Variants in HEATR4 observed in about 807,000 individuals in gnomAD.
HEATR4 encodes the protein HEAT repeat-containing protein 4.
Under a neutral mutation model 108.8 loss-of-function variants are expected in HEATR4, and 95 were observed. The observed-to-expected ratio is 0.87, with a 90% CI of 0.74 to 1.04. The LOEUF is 1.04. Ranked by LOEUF, HEATR4 falls within the 50% of genes least tolerant of loss-of-function variation. The pLI, the probability that HEATR4 is intolerant of heterozygous loss-of-function variation, is 0.00. For synonymous variants in HEATR4, 443 were observed against 459.4 expected (o/e 0.96, Z 0.46); for missense variants, 1,152 against 1,253.8 (o/e 0.92, Z 1.23).
rs779747670 is a variant in HEATR4 at position 73,509,399 on chromosome 14, C to T, written c.1633G>A (p.Val545Met). The change falls in exon 8 of 18, where the codon GTG becomes ATG. Residue 545 changes from valine (V) to methionine (M), a missense_variant. Coordinates refer to ENST00000553558, the MANE Select transcript of HEATR4 (RefSeq NM_001220484.1). ...TGGCATATTGCTGCTGCCATCCGCA[C>T]ATGGGCATTCTTGTCACAAAGAGCA... is the stretch of plus-strand genomic sequence containing the variant. ...EAALCDKNAH[V>M]RMAAAICQYA... 2 of 1,614,114 alleles carry T rather than the reference C, an allele frequency of 1.2e-6. No individual in the cohort carries two copies. The highest frequency in any genetic ancestry group is 1.7e-6 in the Non-Finnish European group (2 of 1,180,016).
chr14:73,495,170 T>A (rs540572534), intron 16 of HEATR4, 58 bp downstream of exon 16: 16 of 1,494,126 alleles, frequency 1.1e-5, no homozygotes, highest in Non-Finnish European at 1.5e-5. Context: ...AACATCCAGA[T>A]CCTGGAAGAG....
chr14:73,518,459 C>T (rs974141091), intron 5 of HEATR4, among the ~76,000 whole-genome samples: 2 of 151,738 alleles, frequency 1.3e-5, no homozygotes, highest in African/African-American at 4.8e-5. Context: ...AGTTTCTGCA[C>T]ACCACTGGGC....
chr14:73,633,604 TA>T, the HEATR4 span: 1 of 152,234 alleles, frequency 6.6e-6, no homozygotes, highest in South Asian at 2.1e-4. Flanking sequence ...GCTTAGGGAA[TA>T]TTGACCCCTG....
At chr14:73,594,786 C>T in the HEATR4 span, among the ~76,000 whole-genome samples, 27,823 of 152,098 alleles carry the variant, frequency 0.18, 4,479 homozygotes, top group African/African-American at 0.43. Flanking sequence ...CTGCAACCTC[C>T]GCCTCCTGGG....
At position 73,556,245 on chromosome 14, in the gene HEATR4, G is replaced by A. The variant is rs191609975; in HGVS notation, c.-152+2506C>T. ...TCAAGAGCAGCATGGCCAACATGGC[G>A]AAACCCCATCTCTACTAAAAATACA... is the stretch of plus-strand genomic sequence containing the variant. On this transcript the variant is annotated intron_variant, in intron 1 of 17. Coordinates refer to ENST00000553558, the MANE Select transcript of HEATR4 (RefSeq NM_001220484.1). 3.3e-3 allele frequency among the ~76,000 whole-genome samples: 370 copies of A among 111,248 alleles called. 17 individuals carry two copies. Among genetic ancestry groups the A allele is most frequent in the African/African-American group, 0.01 (354 of 34,514 alleles). 73.0% of individuals were successfully genotyped at this position (111,248 alleles called of 152,430 possible). A position where few individuals can be genotyped will look rare whatever the true frequency, so the allele number is the denominator to read the frequency against.
chr14:73,599,900 A>G, the HEATR4 span, among the ~76,000 whole-genome samples: 4 of 152,126 alleles, frequency 2.6e-5, no homozygotes, highest in African/African-American at 9.7e-5. Flanking sequence ...TTCCTCTTCT[A>G]TACCCTCTCC....
chr14:73,570,023 G>C, the HEATR4 span: 1 of 1,336,870 alleles, frequency 7.5e-7, no homozygotes, highest in African/African-American at 1.5e-5. Context: ...CGAATTCCTG[G>C]TCTCCAGCTA....
At chr14:73,504,427 A>G (rs1217036575) in intron 10 of HEATR4, among the ~76,000 whole-genome samples, 1 of 152,022 alleles carries the variant, frequency 6.6e-6, no homozygotes, top group Non-Finnish European at 1.5e-5. Context: ...TATTTTTAGT[A>G]GAGACAGGGT....
the HEATR4 span, among the ~76,000 whole-genome samples, chr14:73,566,889 C>T: frequency 4.6e-5 from 7 of 152,274 alleles, no homozygotes; most frequent in South Asian, 8.3e-4. Flanking sequence ...TCACAAGCTC[C>T]ACCTCTGGGG....
At chr14:73,615,340 TCA>T in the HEATR4 span, among the ~76,000 whole-genome samples, 1 of 121,376 alleles carries the variant, frequency 8.2e-6, no homozygotes, top group Non-Finnish European at 1.6e-5. Context: ...TGAGCCAAAA[TCA>T]CACCACATCA....
chr14:73,592,018 G>A, the HEATR4 span: 7 of 1,438,942 alleles, frequency 4.9e-6, no homozygotes, highest in East Asian at 1.8e-4. Context: ...GAGCCGGTGC[G>A]CATTGCCGTG....
intron 6 of HEATR4, 113 bp downstream of exon 6, chr14:73,513,918 A>C (rs1476027241): frequency 9.0e-7 from 1 of 1,116,670 alleles, no homozygotes; most frequent in Non-Finnish European, 1.3e-6. Context: ...AGGCAACCAG[A>C]TTTTTACATT....
At chr14:73,625,851 A>T in the HEATR4 span, among the ~76,000 whole-genome samples, 1 of 152,214 alleles carries the variant, frequency 6.6e-6, no homozygotes, top group South Asian at 2.1e-4. Flanking sequence ...GAGACAAAAC[A>T]ATATTGGAAT....
In HEATR4 at chr14:73,555,812, C is replaced by A. The variant is rs1889384379; in HGVS notation, c.-152+2939G>T. On this transcript the variant is annotated intron_variant, in intron 1 of 17. Coordinates refer to ENST00000553558, the MANE Select transcript of HEATR4 (RefSeq NM_001220484.1). Reference sequence around the variant, plus strand: ...AGGTCAGGAGTTCGAGACCAGCCAGCCTGATCAACATGGAGAAACCCCATC... The same window carrying A: ...AGGTCAGGAGTTCGAGACCAGCCAGACTGATCAACATGGAGAAACCCCATC... 2.7e-5 allele frequency among the ~76,000 whole-genome samples: 3 copies of A among 111,346 alleles called. 1 individual carries two copies. The highest frequency in any genetic ancestry group is 1.0e-4 in the Admixed American group (1 of 9,868). The allele number at this position is 111,346 out of a possible 152,430, so 73.0% of individuals were successfully genotyped here. A position where few individuals can be genotyped will look rare whatever the true frequency, so the allele number is the denominator to read the frequency against.
At chr14:73,620,677 C>T in the HEATR4 span, among the ~76,000 whole-genome samples, 2 of 152,066 alleles carry the variant, frequency 1.3e-5, no homozygotes, top group Non-Finnish European at 2.9e-5. Flanking sequence ...AAGCGATTCT[C>T]CTGCCCCAGC....
chr14:73,492,635 G>A lies in HEATR4; in HGVS notation c.2844+431C>T. ...GGCTGGAGAACCTGTAAACGTGGGG[G>A]CCCAGTTGACAACAGAAACAGAAGT... is the stretch of plus-strand genomic sequence containing the variant. On this transcript the variant is annotated intron_variant, in intron 17 of 17. Transcript: ENST00000553558. This position sits in a 1 kb window ranked among gnomAD's most constrained non-coding sequence, Gnocchi z 4.9. 6.2e-7 allele frequency: 1 copy of A among 1,614,000 alleles called. No individual in the cohort carries two copies. Among genetic ancestry groups the A allele is most frequent in the Non-Finnish European group, 8.5e-7 (1 of 1,179,882 alleles).
the HEATR4 span, among the ~76,000 whole-genome samples, chr14:73,570,899 A>G: frequency 1.3e-5 from 1 of 76,096 alleles, no homozygotes; most frequent in Admixed American, 1.7e-4. Context: ...GAGTGACTCT[A>G]TCTTAAAAAA....
upstream of HEATR4, among the ~76,000 whole-genome samples, chr14:73,561,535 A>G (rs562760306): frequency 8.6e-4 from 131 of 151,942 alleles, 1 homozygote; most frequent in African/African-American, 3.1e-3. Context: ...AAAAATACAA[A>G]AATTAGCTGG....
At chr14:73,615,408 CAAAAAACAA>C in the HEATR4 span, among the ~76,000 whole-genome samples, 2 of 51,162 alleles carry the variant, frequency 3.9e-5, no homozygotes, top group Non-Finnish European at 3.9e-5. Context: ...AAAAAAAAAA[CAAAAAACAA>C]AAAAAACCAG....
Sources: allele counts gnomAD v4.1 joint callset (sites outside exome capture counted in the v4.1 genomes callset), GRCh38; gene constraint gnomAD v4.1.1; non-coding constraint Gnocchi (gnomAD v3.1); transcripts MANE v1.5; gene names NCBI Gene and HGNC (gene_info 2026-07-23, HGNC 2026-07-21).